ERC2: variants seen among roughly 807,000 people sequenced by gnomAD.
ERC2 encodes the protein ERC protein 2.
In ERC2, 42 loss-of-function variants were observed where a neutral mutation model predicts 114.8. The observed-to-expected ratio is 0.37, with a 90% confidence interval of 0.29 to 0.47. The LOEUF (loss-of-function observed/expected upper bound fraction) is 0.47. Among genes scored for constraint, ERC2 ranks in the 20% least tolerant of loss-of-function variants. The pLI, the probability that ERC2 is intolerant of heterozygous loss-of-function variation, is 0.99. For synonymous variants in ERC2, 454 were observed against 425.5 expected (o/e 1.07, Z -0.82); for missense variants, 939 against 1,150.7 (o/e 0.82, Z 2.66).
chr3:55,859,738 C>T (rs2061950155), intron 14 of ERC2, among the ~76,000 whole-genome samples: 1 of 149,236 alleles, frequency 6.7e-6, no homozygotes, highest in Non-Finnish European at 1.5e-5. Context: ...GTTTGACACC[C>T]TTGTTTGGAC....
Position 56,040,792 on chromosome 3 carries a change from AT to A in ERC2, c.1642-21762del, listed in dbSNP as rs1297090186. ...TCTCTATATATAGAGATATATATAG[AT>A]ATATATAGAGAGATACATATAGATA... is the stretch of plus-strand genomic sequence containing the variant. On this transcript the variant is annotated intron_variant, in intron 7 of 17. Coordinates refer to ENST00000288221, the MANE Select transcript of ERC2 (RefSeq NM_015576.3). 3.4e-5 allele frequency among the ~76,000 whole-genome samples: 5 copies of A among 147,650 alleles called. No individual in the cohort carries two copies. In the East Asian group the frequency reaches 8.2e-4, roughly 24 times the overall value.
intron 14 of ERC2, among the ~76,000 whole-genome samples, chr3:55,764,073 C>A (rs142779445): frequency 6.6e-6 from 1 of 152,134 alleles, no homozygotes; most frequent in Non-Finnish European, 1.5e-5. Context: ...CCACTGTTTG[C>A]GTTTCTGTAT....
intron 1 of ERC2, among the ~76,000 whole-genome samples, chr3:56,449,112 C>T (rs537075810): frequency 2.3e-4 from 35 of 151,562 alleles, no homozygotes; most frequent in Non-Finnish European, 4.4e-4. Flanking sequence ...GGATTTGGCC[C>T]ACAGGTAGTA....
chr3:55,841,475 T>A (rs1181362073), intron 14 of ERC2, among the ~76,000 whole-genome samples: 1 of 152,328 alleles, frequency 6.6e-6, no homozygotes, highest in Admixed American at 6.5e-5. Flanking sequence ...GTCCATTAAA[T>A]GTCTTTCCTT....
chr3:55,967,424 C>T lies in ERC2; in HGVS notation c.2268-16864G>A, dbSNP rs190139544. Among the ~76,000 whole-genome samples the T allele has an allele frequency of 1.2e-3, 186 of 152,278 alleles. 3 individuals carry two copies. Among genetic ancestry groups the T allele is most frequent in the African/African-American group, 4.2e-3 (176 of 41,568 alleles). ...TTTCCTGATGATAGGGTCTCAACCT[C>T]GTATTTCTCAGCCCATGCAGTGATT... On this transcript the variant is annotated intron_variant, in intron 12 of 17. Coordinates refer to ENST00000288221, the MANE Select transcript of ERC2 (RefSeq NM_015576.3).
intron 4 of ERC2, among the ~76,000 whole-genome samples, chr3:56,155,527 A>G (rs1394921203): frequency 1.9e-4 from 29 of 152,128 alleles, no homozygotes; most frequent in Non-Finnish European, 2.9e-5. Context: ...ATATGAGAGT[A>G]AGTTTTCTGT....
At chr3:56,005,830 C>A (rs1009997933) in intron 10 of ERC2, among the ~76,000 whole-genome samples, 1 of 152,070 alleles carries the variant, frequency 6.6e-6, no homozygotes, top group African/African-American at 2.4e-5. Flanking sequence ...AAATATTCTT[C>A]ATAAGTTCAT....
rs750103367 is a variant in ERC2, at chr3:56,007,283, T to C, written c.1959A>G (p.Leu653=). 8 of 1,599,478 alleles carry C rather than the reference T, an allele frequency of 5.0e-6. No individual in the cohort carries two copies. The highest frequency in any genetic ancestry group is 6.8e-6 in the Non-Finnish European group (8 of 1,172,212). ...LIDLKEHASS[L]ASAGLKRDSK... ...AATCCCTTTTCAGCCCCGCAGAGGC[T>C]AATGAAGATGCATGTTCTTTGAGGT... The change falls in exon 10 of 18, where the codon TTA becomes TTG. Residue 653 remains leucine, a synonymous_variant. Transcript: ENST00000288221.
chr3:55,636,500 T>C (rs753221783), intron 17 of ERC2, among the ~76,000 whole-genome samples: 1 of 152,190 alleles, frequency 6.6e-6, no homozygotes, highest in Non-Finnish European at 1.5e-5. Flanking sequence ...GCACAGTGCA[T>C]AGAGCACCTT....
At chr3:55,801,145 A>G (rs1210286653) in intron 14 of ERC2, among the ~76,000 whole-genome samples, 2 of 152,224 alleles carry the variant, frequency 1.3e-5, no homozygotes, top group Non-Finnish European at 2.9e-5. Flanking sequence ...ATCTGTTTCT[A>G]TTGGGACCTG....
chr3:55,515,081 C>T (rs1271082230), intron 17 of ERC2, among the ~76,000 whole-genome samples: 1 of 152,090 alleles, frequency 6.6e-6, no homozygotes, highest in Non-Finnish European at 1.5e-5. Flanking sequence ...AGAATGTAAA[C>T]ATTTGCACCA....
At chr3:55,767,652 G>C (rs903080328) in intron 14 of ERC2, among the ~76,000 whole-genome samples, 1 of 152,118 alleles carries the variant, frequency 6.6e-6, no homozygotes, top group African/African-American at 2.4e-5. Context: ...ATGGCACAGA[G>C]ACCCTCCTGC....
intron 7 of ERC2, among the ~76,000 whole-genome samples, chr3:56,071,004 C>T (rs1016868061): frequency 5.3e-5 from 8 of 152,178 alleles, no homozygotes; most frequent in Non-Finnish European, 1.2e-4. Flanking sequence ...TGAGGTGCCC[C>T]TCCTATGTGT....
At chr3:56,169,996 A>C (rs944064051) in intron 4 of ERC2, among the ~76,000 whole-genome samples, 4 of 152,210 alleles carry the variant, frequency 2.6e-5, no homozygotes, top group Non-Finnish European at 4.4e-5. Context: ...GTTATCCACA[A>C]GAGCAGAAAA....
intron 7 of ERC2, among the ~76,000 whole-genome samples, chr3:56,057,980 C>A (rs2076086421): frequency 6.6e-6 from 1 of 152,100 alleles, no homozygotes; most frequent in Admixed American, 6.5e-5. Context: ...ACATTAAATT[C>A]TTCTCCAATT....
intron 14 of ERC2, among the ~76,000 whole-genome samples, chr3:55,827,748 T>C (rs981259433): frequency 6.6e-6 from 1 of 152,190 alleles, no homozygotes; most frequent in Non-Finnish European, 1.5e-5. Flanking sequence ...CCCTGTGAAT[T>C]CTACATCTCT....
intron 7 of ERC2, among the ~76,000 whole-genome samples, chr3:56,033,828 C>G (rs1348528635): frequency 6.6e-6 from 1 of 152,016 alleles, no homozygotes; most frequent in Non-Finnish European, 1.5e-5. Flanking sequence ...CAGGGTCTTG[C>G]TCTGCCACCC....
chr3:56,260,894 A>G (rs1159472817), intron 3 of ERC2, among the ~76,000 whole-genome samples: 1 of 152,216 alleles, frequency 6.6e-6, no homozygotes, highest in East Asian at 1.9e-4. Flanking sequence ...CATATCTCAC[A>G]AAATCTTTCT....
At chr3:55,587,680 T>C (rs1368276148) in intron 17 of ERC2, among the ~76,000 whole-genome samples, 1 of 152,212 alleles carries the variant, frequency 6.6e-6, no homozygotes, top group Non-Finnish European at 1.5e-5. Context: ...TCCACACCAG[T>C]AGAGTGAGGG....
Sources: allele counts gnomAD v4.1 joint callset (sites outside exome capture counted in the v4.1 genomes callset), GRCh38; gene constraint gnomAD v4.1.1; transcripts MANE v1.5; gene names NCBI Gene and HGNC (gene_info 2026-07-23, HGNC 2026-07-21).